KIAA1217: variants seen among roughly 807,000 people sequenced by gnomAD.
The protein encoded by KIAA1217 is KIAA1217, also known as sickle tail protein homolog.
In KIAA1217, 88 loss-of-function variants were observed where a neutral mutation model predicts 163.9. That is an observed-to-expected ratio of 0.54 (90% confidence interval 0.45 to 0.64). The LOEUF (loss-of-function observed/expected upper bound fraction) is 0.64, where lower values mean the gene tolerates loss of function less well. Ranked by LOEUF, KIAA1217 falls within the 30% of genes least tolerant of loss-of-function variation. The pLI is 0.00. For synonymous variants in KIAA1217, 903 were observed against 923.1 expected, an observed-to-expected ratio of 0.98 and a Z score of 0.39; for missense variants, 2,372 against 2,475.0, an observed-to-expected ratio of 0.96 and a Z score of 0.88.
chr10:24,544,070 G>T lies in KIAA1217; in HGVS notation c.4800G>T (p.Leu1600Phe), dbSNP rs766824659. Residue 1600 changes from leucine to phenylalanine, a missense_variant, in exon 19 of 21, where the codon TTG (leucine) becomes TTT (phenylalanine). This residue lies in a region of KIAA1217 where 690 missense variants were observed against 677.5 expected (regional missense o/e 1.02). Coordinates refer to ENST00000376454, the MANE Select transcript of KIAA1217 (RefSeq NM_019590.5). ...RTGTKTGKKT[L>F]QVVVYEEEEE... ...GAACTAAAACAGGGAAGAAGACTTT[G>T]CAAGTGGTAGTCTATGAAGAAGAGG... 4 of 1,614,130 alleles carry T rather than the reference G, an allele frequency of 2.5e-6. No individual in the cohort carries two copies. The highest frequency in any genetic ancestry group is 1.7e-6 in the Non-Finnish European group (2 of 1,180,028).
At chr10:23,745,464 C>T (rs576850939) in intron 1 of KIAA1217, among the ~76,000 whole-genome samples, 1 of 152,152 alleles carries the variant, frequency 6.6e-6, no homozygotes, top group South Asian at 2.1e-4. Flanking sequence ...GGAAATTGGT[C>T]GTAACTTTTT....
At chr10:23,974,793 G>A (rs937378120) in intron 1 of KIAA1217, among the ~76,000 whole-genome samples, 117 of 151,854 alleles carry the variant, frequency 7.7e-4, no homozygotes, top group Middle Eastern at 3.4e-3. Flanking sequence ...CAAGTACGAC[G>A]CCAGCCATAA....
intron 1 of KIAA1217, among the ~76,000 whole-genome samples, chr10:23,792,205 C>A (rs1457545813): frequency 6.6e-6 from 1 of 152,182 alleles, no homozygotes; most frequent in Non-Finnish European, 1.5e-5. Flanking sequence ...AAAGGCCAAG[C>A]TTTTTCACTT....
At chr10:24,054,342 G>C (rs1238486952) in intron 2 of KIAA1217, among the ~76,000 whole-genome samples, 2 of 152,184 alleles carry the variant, frequency 1.3e-5, no homozygotes, top group Non-Finnish European at 2.9e-5. Context: ...TGAATCACCA[G>C]TATATGAGTG....
chr10:24,265,649 CCTT>C (rs1358523895), intron 2 of KIAA1217, among the ~76,000 whole-genome samples: 2 of 152,124 alleles, frequency 1.3e-5, no homozygotes, highest in African/African-American at 4.8e-5. Flanking sequence ...TTTTCTCTCT[CCTT>C]CTTCTCTTTT....
Position 24,373,415 on chromosome 10 carries a change from C to T in KIAA1217, c.355-7454C>T, listed in dbSNP as rs537348116. 2.6e-5 allele frequency among the ~76,000 whole-genome samples: 4 copies of T among 152,242 alleles called. No homozygotes were observed. The East Asian group carries it at 7.7e-4, about 29-fold the overall frequency. Reference sequence around the variant, plus strand: ...TCCAGATACCTTTACCTTCTAACCCCAATTTAGGGAGAGAGTCTTCAGAGT... The same window carrying T: ...TCCAGATACCTTTACCTTCTAACCCTAATTTAGGGAGAGAGTCTTCAGAGT... On this transcript the variant is annotated intron_variant, in intron 2 of 20. Transcript: ENST00000376454.
intron 1 of KIAA1217, among the ~76,000 whole-genome samples, chr10:23,937,670 A>C (rs572512342): frequency 1.3e-3 from 195 of 152,352 alleles, no homozygotes; most frequent in Middle Eastern, 3.4e-3. Context: ...TGGCACCTTA[A>C]CTTAATTTGG....
intron 2 of KIAA1217, among the ~76,000 whole-genome samples, chr10:24,369,988 G>C (rs117094234): frequency 6.6e-6 from 1 of 152,162 alleles, no homozygotes; most frequent in African/African-American, 2.4e-5. Context: ...CTACCTGGCC[G>C]GGCGCGGCGG....
At chr10:23,977,530 T>C (rs896488876) in intron 1 of KIAA1217, among the ~76,000 whole-genome samples, 3 of 152,010 alleles carry the variant, frequency 2.0e-5, no homozygotes, top group Non-Finnish European at 4.4e-5. Context: ...AAGGGGAAAG[T>C]AACAAGAAAA....
chr10:23,877,252 C>A (rs1840741283), intron 1 of KIAA1217, among the ~76,000 whole-genome samples: 1 of 151,998 alleles, frequency 6.6e-6, no homozygotes, highest in Non-Finnish European at 1.5e-5. Context: ...TTCTCACAGG[C>A]ATTAGACCAA....
chr10:23,934,577 A>ATATATGTGTATATATATATG lies in KIAA1217; in HGVS notation c.-320-72643_-320-72642insGTGTATATATATATGTATAT, dbSNP rs1843413838. 4.0e-4 allele frequency among the ~76,000 whole-genome samples: 23 copies of ATATATGTGTATATATATATG among 57,912 alleles called. No individual in the cohort carries two copies. In the African/African-American group the frequency reaches 4.1e-3, roughly 10 times the overall value. The allele number at this position is 57,912 out of a possible 152,430, so 38.0% of individuals were successfully genotyped here. ...TTAAAGTATATATATATATATATAT[A>ATATATGTGTATATATATATG]TATATATATATATGTATATATATAT... On this transcript the variant is annotated intron_variant, in intron 1 of 18. Coordinates refer to the KIAA1217 transcript ENST00000376462.
intron 1 of KIAA1217, among the ~76,000 whole-genome samples, chr10:23,877,952 A>G (rs1379297048): frequency 6.6e-6 from 1 of 151,930 alleles, no homozygotes; most frequent in Non-Finnish European, 1.5e-5. Flanking sequence ...CCACAGAGGA[A>G]CCACAGAATC....
chr10:24,092,793 G>A (rs1006713822), intron 2 of KIAA1217, among the ~76,000 whole-genome samples: 1 of 151,728 alleles, frequency 6.6e-6, no homozygotes, highest in Non-Finnish European at 1.5e-5. Context: ...AAATGTCAGG[G>A]TGATGGAACT....
chr10:24,458,139 G>A (rs899170132), intron 5 of KIAA1217, among the ~76,000 whole-genome samples: 2 of 152,196 alleles, frequency 1.3e-5, no homozygotes, highest in East Asian at 1.9e-4. Flanking sequence ...TGCCAAGCCC[G>A]GCCTCAGGGC....
At chr10:24,255,157 T>A (rs1195694398) in intron 2 of KIAA1217, 1 of 167,726 alleles carries the variant, frequency 6.0e-6, no homozygotes, top group African/African-American at 2.4e-5. Context: ...ACCCGGCCTG[T>A]AATTTTCTTT....
At chr10:24,067,237 C>T (rs928725505) in intron 2 of KIAA1217, among the ~76,000 whole-genome samples, 2 of 152,188 alleles carry the variant, frequency 1.3e-5, no homozygotes, top group Admixed American at 1.3e-4. Flanking sequence ...TAGTGTTTCC[C>T]GTTTTTCTGC....
At chr10:23,931,888 C>G (rs550170831) in intron 1 of KIAA1217, among the ~76,000 whole-genome samples, 70 of 152,232 alleles carry the variant, frequency 4.6e-4, no homozygotes, top group African/African-American at 1.5e-3. Context: ...ATAATGCAGT[C>G]CTCCAGGGCT....
intron 1 of KIAA1217, among the ~76,000 whole-genome samples, chr10:23,796,353 T>TTATTTATA: frequency 6.6e-6 from 1 of 151,536 alleles, no homozygotes; most frequent in South Asian, 2.1e-4. Context: ...ATTTATTTAT[T>TTATTTATA]TATTTATTTA....
At position 23,720,555 on chromosome 10, in the gene KIAA1217, C is replaced by T. The variant is rs145514921; in HGVS notation, c.-321+25321C>T. Among the ~76,000 whole-genome samples, 1,470 of 152,014 alleles carry T rather than the reference C, an allele frequency of 9.7e-3. 22 individuals are homozygous for T. The highest frequency in any genetic ancestry group is 0.034 in the African/African-American group (1,396 of 41,438). ...GTTTGGGAGTGGGTGGCATAAGAGG[C>T]GGGATATGAAGGGGACTGGGAGGTA... On this transcript the variant is annotated intron_variant, in intron 1 of 18. Transcript: ENST00000376462.
Sources: gnomAD v4.1 joint callset for allele counts (sites outside exome capture counted in the v4.1 genomes callset) on GRCh38, gnomAD v4.1.1 for gene constraint, gnomAD v4.1.1 regional missense constraint, MANE v1.5 for transcripts, NCBI Gene and HGNC (gene_info 2026-07-23, HGNC 2026-07-21) for gene names.